Variants in TMBIM6 observed in about 807,000 individuals in gnomAD.
TMBIM6 encodes bax inhibitor 1.
A neutral mutation model predicts 31.4 loss-of-function variants in TMBIM6; 13 were observed. That is an observed-to-expected ratio of 0.41 (90% CI 0.27 to 0.66). The LOEUF (loss-of-function observed/expected upper bound fraction) is 0.66, where lower values mean the gene tolerates loss of function less well. Ranked by LOEUF, TMBIM6 falls within the 30% of genes least tolerant of loss-of-function variation. The probability of loss-of-function intolerance (pLI) is 0.28; values close to 1 mark genes in which losing one functional copy is unlikely to be tolerated. For missense variants in TMBIM6, 275 were observed against 289.5 expected (o/e 0.95, Z 0.36); for synonymous variants, 85 against 101.7 (o/e 0.84, Z 0.99).
At chr12:49,751,655 A>G (rs73309004) in intron 1 of TMBIM6, among the ~76,000 whole-genome samples, 3,463 of 152,204 alleles carry the variant, frequency 0.023, 131 homozygotes, top group African/African-American at 0.078. Context: ...CATATATTTA[A>G]AATGCAAGTC....
intron 4 of TMBIM6, among the ~76,000 whole-genome samples, chr12:49,756,904 C>G (rs1945609565): frequency 6.6e-6 from 1 of 150,648 alleles, no homozygotes; most frequent in Non-Finnish European, 1.5e-5. Context: ...GCCAGCTAAT[C>G]TTTTGTATTT....
At chr12:49,742,520 T>G in intron 1 of TMBIM6, 1 of 422,474 alleles carries the variant, frequency 2.4e-6, no homozygotes. Context: ...CACTATGAAC[T>G]TGAGACTGTG....
intron 1 of TMBIM6, chr12:49,742,130 G>C: frequency 1.2e-5 from 20 of 1,609,816 alleles, no homozygotes; most frequent in Non-Finnish European, 1.7e-5. Context: ...GGCCTGGCGG[G>C]CGGGTGATGT....
At chr12:49,755,815 TA>T in intron 4 of TMBIM6, 60 bp downstream of exon 4, 1 of 1,552,282 alleles carries the variant, frequency 6.4e-7, no homozygotes. Flanking sequence ...ATCTCTTAAT[TA>T]GTTCCCCCCC....
intron 5 of TMBIM6, 22 bp from the exon 6 acceptor site, chr12:49,758,361 T>G: frequency 6.2e-7 from 1 of 1,614,040 alleles, no homozygotes; most frequent in Non-Finnish European, 8.5e-7. Flanking sequence ...GCCCTTAATC[T>G]AATGGTCTTT....
In TMBIM6 at chr12:49,763,218, TC is replaced by T. The variant is rs1945753468; in HGVS notation, c.*325del. The stretch of plus-strand genomic sequence containing the variant: ...GGGCGCCAACTTCAGGAGTCCGCTT[TC>T]CCACCAGGCTTCATTCACCCAGTGG... On this transcript the variant is annotated 3_prime_UTR_variant, in exon 10 of 10. Coordinates refer to ENST00000267115, the MANE Select transcript of TMBIM6 (RefSeq NM_003217.3). The T allele has an allele frequency of 7.6e-6, 2 of 262,954 alleles. No individual in the cohort carries two copies. Among genetic ancestry groups the T allele is most frequent in the African/African-American group, 4.3e-5 (2 of 46,436 alleles). 16.3% of individuals were successfully genotyped at this position (262,954 alleles called of 1,614,324 possible). A position where few individuals can be genotyped will look rare whatever the true frequency, so the allele number is the denominator to read the frequency against.
At chr12:49,745,995 C>T (rs1036452825) in intron 1 of TMBIM6, among the ~76,000 whole-genome samples, 4 of 151,968 alleles carry the variant, frequency 2.6e-5, no homozygotes, top group Admixed American at 2.6e-4. Context: ...GATGTAACTT[C>T]ATTGTAAATC....
At chr12:49,760,240 C>G (rs1402618099) in intron 8 of TMBIM6, among the ~76,000 whole-genome samples, 1 of 151,380 alleles carries the variant, frequency 6.6e-6, no homozygotes, top group Non-Finnish European at 1.5e-5. Context: ...ATTTTTTAAA[C>G]AATGAGTAGA....
At position 49,762,868 on chromosome 12, in the gene TMBIM6, T is replaced by G. The variant is rs1028492361; in HGVS notation, c.691-5T>G. ...ATTAATTGGGTGATTTTTCTCCATT[T>G]CTAGGATAAGAAGAAAGAGAAGAAA... On this transcript the variant is annotated splice_region_variant and splice_polypyrimidine_tract_variant and intron_variant, in intron 9 of 9. Transcript: ENST00000267115. 13 of 1,612,494 alleles carry G rather than the reference T, an allele frequency of 8.1e-6. No homozygotes were observed. The highest frequency in any genetic ancestry group is 1.1e-5 in the Non-Finnish European group (13 of 1,178,642).
At chr12:49,761,608 CGTG>C in intron 8 of TMBIM6, 93 bp from the exon 9 acceptor site, 1 of 1,056,796 alleles carries the variant, frequency 9.5e-7, no homozygotes. Flanking sequence ...GAAGCTGGCT[CGTG>C]GGGGTAGGGG....
intron 8 of TMBIM6, 44 bp downstream of exon 8, chr12:49,759,365 A>T (rs1471866944): frequency 6.5e-7 from 1 of 1,535,378 alleles, no homozygotes; most frequent in Non-Finnish European, 9.0e-7. Flanking sequence ...AGGTTGAGGC[A>T]TACCGTTCAG....
Position 49,755,664 on chromosome 12 carries a change from G to A in TMBIM6, c.195G>A (p.Leu65=). ...QAGLLSALGS[L]ILMIWLMATP... is the part of the protein sequence containing the mutation. ...GCCTGCTGTCTGCCTTGGGCTCCCT[G>A]ATATTGATGATTTGGCTGATGGCAA... The change falls in exon 4 of 10, where the codon CTG becomes CTA. Residue 65 remains leucine, a synonymous_variant. Transcript: ENST00000267115. 6.2e-7 allele frequency: 1 copy of A among 1,614,100 alleles called. No homozygotes were observed. The highest frequency in any genetic ancestry group is 8.5e-7 in the Non-Finnish European group (1 of 1,179,992).
intron 9 of TMBIM6, 33 bp from the exon 10 acceptor site, chr12:49,762,840 A>C: frequency 6.2e-7 from 1 of 1,609,970 alleles, no homozygotes; most frequent in Non-Finnish European, 8.5e-7. Context: ...CAAATGTCAA[A>C]AAATTAATTG....
At chr12:49,761,598 G>C in intron 8 of TMBIM6, 106 bp from the exon 9 acceptor site, 2 of 956,358 alleles carry the variant, frequency 2.1e-6, no homozygotes, top group Non-Finnish European at 3.2e-6. Context: ...AAGTGTGGGA[G>C]AAGCTGGCTC....
At chr12:49,754,909 C>A (rs559796485) in intron 3 of TMBIM6, among the ~76,000 whole-genome samples, 8 of 152,232 alleles carry the variant, frequency 5.3e-5, no homozygotes, top group African/African-American at 1.9e-4. Context: ...TTGCAGTCTT[C>A]TGTATATGTA....
At position 49,764,727 on chromosome 12, in the gene TMBIM6, GAAAA is replaced by G. The variant is rs1292621134; in HGVS notation, c.*1841_*1844del. 6.2e-4 allele frequency: 70 copies of G among 113,796 alleles called. No homozygotes were observed. Among genetic ancestry groups the G allele is most frequent in the African/African-American group, 1.8e-3 (53 of 28,900 alleles). 7.0% of individuals were successfully genotyped at this position (113,796 alleles called of 1,614,324 possible). On this transcript the variant is annotated 3_prime_UTR_variant, in exon 10 of 10. Transcript: ENST00000267115. ...CAAGATATTAAAAAAAAAAAAGAAA[GAAAA>G]AAAAAAAAACACCTACTTTTAAAGA...
At chr12:49,750,095 C>T (rs1308592318) in intron 1 of TMBIM6, among the ~76,000 whole-genome samples, 4 of 152,196 alleles carry the variant, frequency 2.6e-5, no homozygotes, top group African/African-American at 9.7e-5. Flanking sequence ...CCAACCCACA[C>T]AGCCTTTGAT....
At position 49,741,628 on chromosome 12, in the gene TMBIM6, T is replaced by C. The variant is rs1248094681; in HGVS notation, c.-31+17T>C. 1 of 171,070 alleles carries C rather than the reference T, an allele frequency of 5.8e-6. No homozygotes were observed. 10.6% of individuals were successfully genotyped at this position (171,070 alleles called of 1,614,324 possible). On this transcript the variant is annotated intron_variant, in intron 1 of 9. Coordinates refer to ENST00000267115, the MANE Select transcript of TMBIM6 (RefSeq NM_003217.3). ...GTTAGGAAGGTACGTCTGAACCTAG[T>C]ACTGGGCGAACTGGGAGTGAGAAAT...
intron 8 of TMBIM6, among the ~76,000 whole-genome samples, chr12:49,760,888 G>A (rs532316299): frequency 1.3e-5 from 2 of 151,740 alleles, no homozygotes; most frequent in South Asian, 4.2e-4. Flanking sequence ...TGCCCAGGCT[G>A]GAGTGCAACG....
Sources: allele counts gnomAD v4.1 joint callset (sites outside exome capture counted in the v4.1 genomes callset), GRCh38; gene constraint gnomAD v4.1.1; transcripts MANE v1.5; gene names NCBI Gene and HGNC (gene_info 2026-07-23, HGNC 2026-07-21).